The following CEP15 variants were observed in gnomAD, a reference collection of about 807,000 sequenced individuals.
CEP15 encodes centrosomal protein 15.
At chr3:62,333,254 G>T in the CEP15 span, 2 of 1,604,958 alleles carry the variant, frequency 1.2e-6, no homozygotes, top group South Asian at 2.2e-5. The surrounding 1 kb of genome is among the most constrained non-coding windows in gnomAD (Gnocchi z 4.0). Flanking sequence ...TTTTTTTCCA[G>T]ACTCGTTACT....
At chr3:62,331,446 T>TATC in the CEP15 span, 1 of 1,425,744 alleles carries the variant, frequency 7.0e-7, no homozygotes, top group Non-Finnish European at 9.9e-7. Flanking sequence ...CCTATCTATC[T>TATC]ATCAGTAGTG....
At chr3:62,319,297 C>G in the CEP15 span, 2 of 152,196 alleles carry the variant, frequency 1.3e-5, no homozygotes, top group African/African-American at 2.4e-5. Flanking sequence ...GATAGTGGGC[C>G]TCACAGAAAA....
the CEP15 span, chr3:62,319,071 C>T: frequency 6.6e-6 from 1 of 152,304 alleles, no homozygotes; most frequent in Non-Finnish European, 1.5e-5. Context: ...TGGAGTCGGA[C>T]AGTGGGTGGG....
At chr3:62,319,638 T>C in the CEP15 span, 2 of 152,232 alleles carry the variant, frequency 1.3e-5, no homozygotes, top group African/African-American at 4.8e-5. Context: ...ACAATCTTTA[T>C]AGAGTGCATA....
the CEP15 span, among the ~76,000 whole-genome samples, chr3:62,328,149 T>TTTG: frequency 3.9e-5 from 6 of 152,324 alleles, no homozygotes; most frequent in African/African-American, 7.2e-5. Flanking sequence ...TGCAACTTGT[T>TTTG]TTGTTGTTGT....
At chr3:62,321,863 A>G in the CEP15 span, 1 of 1,246,036 alleles carries the variant, frequency 8.0e-7, no homozygotes, top group South Asian at 1.5e-5. The surrounding 1 kb of genome is among the most constrained non-coding windows in gnomAD (Gnocchi z 4.1). Flanking sequence ...AATTTTTTAT[A>G]TTGGTCAAGC....
chr3:62,326,753 C>T, the CEP15 span, among the ~76,000 whole-genome samples: 1 of 152,174 alleles, frequency 6.6e-6, no homozygotes, highest in African/African-American at 2.4e-5. Context: ...CTTGCTTCAT[C>T]TATATACCTC....
At chr3:62,330,219 A>G in the CEP15 span, among the ~76,000 whole-genome samples, 1 of 152,050 alleles carries the variant, frequency 6.6e-6, no homozygotes, top group East Asian at 1.9e-4. Flanking sequence ...CCTGTTCAGC[A>G]TTGGCTCCTT....
At chr3:62,319,585 T>TAG in the CEP15 span, 1 of 152,272 alleles carries the variant, frequency 6.6e-6, no homozygotes, top group Non-Finnish European at 1.5e-5. Flanking sequence ...AAGCGTGGGC[T>TAG]TTCTAGCAGG....
chr3:62,333,264 T>C, the CEP15 span: 2 of 1,609,134 alleles, frequency 1.2e-6, no homozygotes, highest in African/African-American at 2.7e-5. The surrounding 1 kb of genome is among the most constrained non-coding windows in gnomAD (Gnocchi z 4.0). Context: ...GACTCGTTAC[T>C]GGGCATCAGT....
the CEP15 span, chr3:62,331,450 A>G: frequency 1.4e-6 from 2 of 1,385,640 alleles, no homozygotes; most frequent in Admixed American, 1.7e-5. Flanking sequence ...TCTATCTATC[A>G]GTAGTGCACT....
the CEP15 span, chr3:62,319,298 TCA>T: frequency 6.6e-6 from 1 of 152,214 alleles, no homozygotes; most frequent in South Asian, 2.1e-4. Flanking sequence ...ATAGTGGGCC[TCA>T]CAGAAAAGTT....
the CEP15 span, among the ~76,000 whole-genome samples, chr3:62,325,483 T>A: frequency 6.6e-6 from 1 of 152,040 alleles, no homozygotes; most frequent in Admixed American, 6.6e-5. Context: ...TGAATAGATA[T>A]GAATGTAGGT....
At chr3:62,335,692 T>C in the CEP15 span, 6 of 152,090 alleles carry the variant, frequency 3.9e-5, no homozygotes, top group African/African-American at 1.4e-4. Flanking sequence ...TTCCATATGC[T>C]CCATTGTACT....
chr3:62,324,693 T>C, the CEP15 span, among the ~76,000 whole-genome samples: 1 of 152,094 alleles, frequency 6.6e-6, no homozygotes, highest in African/African-American at 2.4e-5. Flanking sequence ...CCTGATAAAC[T>C]TGTTCAGGAC....
chr3:62,323,089 A>G, the CEP15 span, among the ~76,000 whole-genome samples: 1 of 152,224 alleles, frequency 6.6e-6, no homozygotes, highest in Non-Finnish European at 1.5e-5. Flanking sequence ...AGCACGTGAT[A>G]TGATATTTGG....
chr3:62,333,327 C>T, the CEP15 span: 3 of 1,611,748 alleles, frequency 1.9e-6, no homozygotes, highest in Non-Finnish European at 2.5e-6. This position sits in a 1 kb window ranked among gnomAD's most constrained non-coding sequence, Gnocchi z 4.0. Context: ...AGCACCATAT[C>T]CTTTTGCTGT....
At chr3:62,333,130 ATG>A in the CEP15 span, 49,628 of 657,092 alleles carry the variant, frequency 0.076, 17 homozygotes, top group South Asian at 0.11. This position sits in a 1 kb window ranked among gnomAD's most constrained non-coding sequence, Gnocchi z 4.0. Context: ...TTCTACATAT[ATG>A]TGTGTGTGTG....
At chr3:62,336,048 T>A in the CEP15 span, 1 of 152,160 alleles carries the variant, frequency 6.6e-6, no homozygotes. This position sits in a 1 kb window ranked among gnomAD's most constrained non-coding sequence, Gnocchi z 4.4. Context: ...TTTTCTGCAT[T>A]ATGCACAAGG....
Sources: gnomAD v4.1 joint callset for allele counts (sites outside exome capture counted in the v4.1 genomes callset) on GRCh38, gnomAD v4.1.1 for gene constraint, Gnocchi (gnomAD v3.1) non-coding constraint, MANE v1.5 for transcripts, NCBI Gene and HGNC (gene_info 2026-07-23, HGNC 2026-07-21) for gene names.